Variants in CPNE8 observed in about 807,000 individuals in gnomAD.
CPNE8 encodes the protein copine 8.
CPNE8 carries 45 observed loss-of-function variants against 81.5 expected under a neutral mutation model. The ratio of observed to expected loss-of-function variants is 0.55; its 90% confidence interval spans 0.44 to 0.71. The LOEUF (loss-of-function observed/expected upper bound fraction) is 0.71, where lower values mean the gene tolerates loss of function less well. Among genes scored for constraint, CPNE8 ranks in the 30% least tolerant of loss-of-function variants. The pLI, the probability that CPNE8 is intolerant of heterozygous loss-of-function variation, is 0.00. For missense variants in CPNE8, 594 were observed against 672.1 expected, an observed-to-expected ratio of 0.88 and a Z score of 1.28; for synonymous variants, 252 against 226.3, an observed-to-expected ratio of 1.11 and a Z score of -1.02.
At chr12:38,788,732 A>G (rs915037731) in intron 6 of CPNE8, among the ~76,000 whole-genome samples, 1 of 151,832 alleles carries the variant, frequency 6.6e-6, no homozygotes, top group African/African-American at 2.4e-5. Context: ...TGCCACACAA[A>G]AAAACTATTA....
chr12:38,700,112 G>T (rs1939902802), intron 14 of CPNE8, among the ~76,000 whole-genome samples: 1 of 152,094 alleles, frequency 6.6e-6, no homozygotes, highest in Non-Finnish European at 1.5e-5. Flanking sequence ...TTCAATAGAA[G>T]AGGTGGGAGC....
intron 6 of CPNE8, among the ~76,000 whole-genome samples, chr12:38,798,274 A>G (rs1265595769): frequency 6.6e-6 from 1 of 152,160 alleles, no homozygotes; most frequent in African/African-American, 2.4e-5. Flanking sequence ...GAAATGAAGG[A>G]AAAAATGTTA....
In CPNE8 at chr12:38,764,184, G is replaced by A. The variant is rs188778963; in HGVS notation, c.576-1968C>T. 3.3e-5 allele frequency among the ~76,000 whole-genome samples: 5 copies of A among 152,180 alleles called. No homozygotes were observed. The East Asian group carries it at 7.7e-4, about 23-fold the overall frequency. ...AAAAGGCATTACAAGTAAGACAGAG[G>A]GGCAGACAGAGAAGACTCTTGAAGG... On this transcript the variant is annotated intron_variant, in intron 8 of 19. Transcript: ENST00000331366.
chr12:38,696,875 G>A (rs571790583), intron 14 of CPNE8, among the ~76,000 whole-genome samples: 5 of 152,104 alleles, frequency 3.3e-5, no homozygotes, highest in South Asian at 2.1e-4. Context: ...GCAAAATCTC[G>A]TCTTTACAAA....
chr12:38,726,780 G>A (rs557301749), intron 11 of CPNE8, among the ~76,000 whole-genome samples: 29 of 152,248 alleles, frequency 1.9e-4, no homozygotes, highest in African/African-American at 7.0e-4. Flanking sequence ...TAACTTTTTA[G>A]TAGAATTTCA....
chr12:38,874,493 G>A lies in CPNE8; in HGVS notation c.117C>T (p.Asp39=). The change falls in exon 2 of 20, where the codon GAC becomes GAT. Residue 39 remains aspartate, a synonymous_variant. Transcript: ENST00000331366. ...SVSCRNLLDR[D]TFSKSDPICV... Reference sequence around the variant, plus strand: ...TACTTGGATCAGATTTAGAAAATGTGTCTCTGTCAAGAAGATTTCTGTTGA... The same window carrying A: ...TACTTGGATCAGATTTAGAAAATGTATCTCTGTCAAGAAGATTTCTGTTGA... 1.9e-6 allele frequency: 3 copies of A among 1,608,254 alleles called. No individual in the cohort carries two copies. The highest frequency in any genetic ancestry group is 2.5e-6 in the Non-Finnish European group (3 of 1,176,522).
intron 10 of CPNE8, among the ~76,000 whole-genome samples, chr12:38,737,341 C>T (rs2136782913): frequency 6.6e-6 from 1 of 151,962 alleles, no homozygotes; most frequent in Admixed American, 6.6e-5. Flanking sequence ...GTAACAGATA[C>T]TTTATTCAAG....
intron 11 of CPNE8, among the ~76,000 whole-genome samples, chr12:38,727,444 A>G (rs748467343): frequency 2.0e-5 from 3 of 152,200 alleles, no homozygotes; most frequent in Non-Finnish European, 4.4e-5. Context: ...ACCACACTGT[A>G]CACCATTAGT....
upstream of CPNE8, chr12:38,905,825 C>G: frequency 5.1e-6 from 5 of 985,346 alleles, no homozygotes; most frequent in Non-Finnish European, 6.0e-6. Flanking sequence ...GGGACACACT[C>G]CGTGATCCCC....
chr12:38,725,194 CCTAA>C (rs1940665189), intron 11 of CPNE8, among the ~76,000 whole-genome samples: 1 of 152,138 alleles, frequency 6.6e-6, no homozygotes, highest in Non-Finnish European at 1.5e-5. Context: ...CATCTAATGT[CCTAA>C]CTAATGATTG....
At chr12:38,686,143 C>T (rs1939529953) in intron 15 of CPNE8, among the ~76,000 whole-genome samples, 1 of 151,986 alleles carries the variant, frequency 6.6e-6, no homozygotes, top group African/African-American at 2.4e-5. Context: ...TTTTACCTGA[C>T]AGCAGAAAAA....
At chr12:38,826,891 T>A (rs2137016971) in intron 6 of CPNE8, among the ~76,000 whole-genome samples, 1 of 151,504 alleles carries the variant, frequency 6.6e-6, no homozygotes, top group Admixed American at 6.6e-5. Flanking sequence ...CCACATAGGC[T>A]GGGTGCAGTG....
intron 13 of CPNE8, among the ~76,000 whole-genome samples, chr12:38,704,863 T>TATATATATATATA (rs1565575657): frequency 1.5e-5 from 2 of 137,304 alleles, no homozygotes; most frequent in Admixed American, 7.5e-5. Context: ...TATATATATA[T>TATATATATATATA]TTAAATTTCG....
intron 16 of CPNE8, among the ~76,000 whole-genome samples, chr12:38,678,506 A>G (rs957349873): frequency 3.9e-5 from 6 of 151,904 alleles, no homozygotes; most frequent in African/African-American, 1.4e-4. Context: ...TGTATTTCTA[A>G]AAGTTATCAA....
intron 10 of CPNE8, among the ~76,000 whole-genome samples, chr12:38,758,147 A>ACTCT (rs34541514): frequency 0.05 from 7,513 of 149,142 alleles, 588 homozygotes; most frequent in African/African-American, 0.17. Flanking sequence ...CTGTGAACAA[A>ACTCT]CTCTCTCTCT....
intron 6 of CPNE8, among the ~76,000 whole-genome samples, chr12:38,794,398 A>G (rs1235646486): frequency 6.6e-6 from 1 of 152,186 alleles, no homozygotes; most frequent in Non-Finnish European, 1.5e-5. Flanking sequence ...AAGATTATAT[A>G]CAAATTGCCA....
At chr12:38,827,120 G>A (rs555878993) in intron 6 of CPNE8, among the ~76,000 whole-genome samples, 2 of 145,706 alleles carry the variant, frequency 1.4e-5, no homozygotes, top group Non-Finnish European at 3.0e-5. Flanking sequence ...GGCAGAGGTT[G>A]CAGTGAGCAG....
chr12:38,843,381 G>A (rs1330934050), intron 4 of CPNE8, among the ~76,000 whole-genome samples: 1 of 152,152 alleles, frequency 6.6e-6, no homozygotes, highest in African/African-American at 2.4e-5. Context: ...AAGTTCAGGG[G>A]ACCAGTCCAT....
intron 1 of CPNE8, among the ~76,000 whole-genome samples, chr12:38,894,695 C>A (rs1376695013): frequency 1.0e-5 from 1 of 100,446 alleles, no homozygotes; most frequent in African/African-American, 2.9e-5. Flanking sequence ...CTCTCTCTCT[C>A]TCTCTCTCTC....
Sources: allele counts gnomAD v4.1 joint callset (sites outside exome capture counted in the v4.1 genomes callset), GRCh38; gene constraint gnomAD v4.1.1; transcripts MANE v1.5; gene names NCBI Gene and HGNC (gene_info 2026-07-23, HGNC 2026-07-21).